Variants in GRXCR1 observed in about 807,000 individuals in gnomAD.
The protein encoded by GRXCR1 is glutaredoxin and cysteine rich domain containing 1.
In GRXCR1, 27 loss-of-function variants were observed where a neutral mutation model predicts 27.3. That is an observed-to-expected ratio of 0.99 (90% CI 0.73 to 1.37). The LOEUF is 1.37. GRXCR1 is among the 40% of genes most tolerant of loss of function. The pLI is 0.00. For synonymous variants in GRXCR1, 122 were observed against 131.1 expected (o/e 0.93, Z 0.47); for missense variants, 379 against 354.4 (o/e 1.07, Z -0.56).
chr4:42,929,297 G>A (rs148114256), intron 1 of GRXCR1, among the ~76,000 whole-genome samples: 5 of 152,124 alleles, frequency 3.3e-5, no homozygotes, highest in African/African-American at 1.2e-4. Flanking sequence ...GCAGGCAAAT[G>A]TCCCCACACA....
At chr4:43,020,684 T>G (rs1047081221) in intron 3 of GRXCR1, among the ~76,000 whole-genome samples, 1 of 152,170 alleles carries the variant, frequency 6.6e-6, no homozygotes, top group Non-Finnish European at 1.5e-5. Context: ...AATACAGACG[T>G]TGATGAGGTG....
At chr4:42,991,492 C>A (rs1711974485) in intron 2 of GRXCR1, among the ~76,000 whole-genome samples, 1 of 145,628 alleles carries the variant, frequency 6.9e-6, no homozygotes, top group Non-Finnish European at 1.5e-5. Flanking sequence ...ATATATATAT[C>A]TGTCATTCAT....
At chr4:42,970,144 G>A (rs1485145842) in intron 2 of GRXCR1, among the ~76,000 whole-genome samples, 1 of 152,094 alleles carries the variant, frequency 6.6e-6, no homozygotes, top group African/African-American at 2.4e-5. Flanking sequence ...CCAATGCCTT[G>A]GGCAGTTCTG....
At chr4:43,001,482 C>T (rs1712357406) in intron 2 of GRXCR1, among the ~76,000 whole-genome samples, 3 of 152,108 alleles carry the variant, frequency 2.0e-5, no homozygotes, top group African/African-American at 7.2e-5. Context: ...GTGTTCTTCA[C>T]TCTGAGGAAG....
chr4:42,923,458 G>A (rs912778942), intron 1 of GRXCR1, among the ~76,000 whole-genome samples: 3 of 152,064 alleles, frequency 2.0e-5, no homozygotes, highest in Admixed American at 6.6e-5. Context: ...TCTATTAGAG[G>A]AGGTAACTTT....
At chr4:43,028,060 T>C (rs1414225045) in intron 3 of GRXCR1, among the ~76,000 whole-genome samples, 1 of 151,262 alleles carries the variant, frequency 6.6e-6, no homozygotes, top group African/African-American at 2.4e-5. Flanking sequence ...AGTGAGCTGC[T>C]GAGGTCGCAC....
chr4:42,929,164 T>C (rs1166247708), intron 1 of GRXCR1, among the ~76,000 whole-genome samples: 1 of 151,994 alleles, frequency 6.6e-6, no homozygotes, highest in East Asian at 1.9e-4. Context: ...GCATAGGTTA[T>C]GTAAGGATGA....
chr4:42,987,783 G>T (rs1711828505), intron 2 of GRXCR1, among the ~76,000 whole-genome samples: 1 of 152,146 alleles, frequency 6.6e-6, no homozygotes. Flanking sequence ...GGGATTCAAT[G>T]AAGTTTTCTA....
intron 1 of GRXCR1, among the ~76,000 whole-genome samples, chr4:42,948,516 T>C (rs1003383541): frequency 2.6e-5 from 4 of 152,134 alleles, no homozygotes; most frequent in Admixed American, 2.6e-4. Flanking sequence ...GAGGAAGATG[T>C]AGTCCAATAA....
At chr4:42,924,480 T>C (rs939391613) in intron 1 of GRXCR1, among the ~76,000 whole-genome samples, 2 of 151,994 alleles carry the variant, frequency 1.3e-5, no homozygotes, top group East Asian at 3.9e-4. Flanking sequence ...CCGCCCAAGG[T>C]TGTACATTTA....
At chr4:42,987,416 A>G (rs1324881281) in intron 2 of GRXCR1, among the ~76,000 whole-genome samples, 1 of 150,970 alleles carries the variant, frequency 6.6e-6, no homozygotes, top group Non-Finnish European at 1.5e-5. Context: ...CTGAGTAGCT[A>G]GGACCACAAA....
At chr4:42,951,317 C>T (rs1350269799) in intron 1 of GRXCR1, among the ~76,000 whole-genome samples, 1 of 152,168 alleles carries the variant, frequency 6.6e-6, no homozygotes, top group East Asian at 1.9e-4. Context: ...TCATCTCTTC[C>T]AGAAACACCC....
chr4:42,915,766 G>C (rs1746871476), intron 1 of GRXCR1, among the ~76,000 whole-genome samples: 1 of 152,122 alleles, frequency 6.6e-6, no homozygotes, highest in Non-Finnish European at 1.5e-5. Flanking sequence ...CATTGCTGTG[G>C]AGCCTATGGT....
chr4:42,942,453 G>T (rs553134714), intron 1 of GRXCR1, among the ~76,000 whole-genome samples: 51 of 152,154 alleles, frequency 3.4e-4, no homozygotes, highest in African/African-American at 1.2e-3. Flanking sequence ...GAAAAAGAAA[G>T]TGACAGTCTC....
At chr4:42,982,269 T>C (rs988746343) in intron 2 of GRXCR1, among the ~76,000 whole-genome samples, 2 of 141,914 alleles carry the variant, frequency 1.4e-5, no homozygotes, top group African/African-American at 5.2e-5. Context: ...TGTGATCTCA[T>C]TGTTCAATTC....
chr4:42,975,410 T>G (rs1324352820), intron 2 of GRXCR1, among the ~76,000 whole-genome samples: 1 of 152,084 alleles, frequency 6.6e-6, no homozygotes, highest in African/African-American at 2.4e-5. Flanking sequence ...CCCTTTTCAG[T>G]TATGTGTACC....
chr4:42,919,156 A>G (rs1746951180), intron 1 of GRXCR1, among the ~76,000 whole-genome samples: 2 of 152,160 alleles, frequency 1.3e-5, no homozygotes, highest in Admixed American at 1.3e-4. Context: ...ATTGACCAAC[A>G]TGGCAAAACG....
intron 1 of GRXCR1, among the ~76,000 whole-genome samples, chr4:42,938,933 T>C (rs980923949): frequency 6.6e-6 from 1 of 151,890 alleles, no homozygotes; most frequent in East Asian, 1.9e-4. Flanking sequence ...TTTGAAATTA[T>C]GTGATGTGAT....
At chr4:42,967,533 C>T (rs10007716) in intron 2 of GRXCR1, among the ~76,000 whole-genome samples, 2,227 of 152,024 alleles carry the variant, frequency 0.015, 55 homozygotes, top group African/African-American at 0.05. Context: ...GTATAACAAC[C>T]GTTTCAACCT....
Sources: gnomAD v4.1 joint callset for allele counts (sites outside exome capture counted in the v4.1 genomes callset) on GRCh38, gnomAD v4.1.1 for gene constraint, MANE v1.5 for transcripts, NCBI Gene and HGNC (gene_info 2026-07-23, HGNC 2026-07-21) for gene names.